Variants in HTT observed in about 807,000 individuals in gnomAD.
The protein encoded by HTT is huntington disease protein.
Under a neutral mutation model 362.3 loss-of-function variants are expected in HTT, and 104 were observed. The observed-to-expected ratio is 0.29, with a 90% CI of 0.24 to 0.34. HTT has a LOEUF of 0.34. Among genes scored for constraint, HTT ranks in the 10% least tolerant of loss-of-function variants. The pLI, the probability that HTT is intolerant of heterozygous loss-of-function variation, is 1.00. For missense variants in HTT, 3,301 were observed against 3,928.6 expected (o/e 0.84, Z 4.27); for synonymous variants, 1,577 against 1,548.7 (o/e 1.02, Z -0.43).
chr4:3,171,538 C>T (rs549552104), intron 29 of HTT, among the ~76,000 whole-genome samples: 15 of 150,624 alleles, frequency 1.0e-4, no homozygotes, highest in Non-Finnish European at 1.5e-4. Context: ...AGTGCAATGG[C>T]GCCATCTCGG....
chr4:3,205,247 A>G (rs886333284), intron 42 of HTT, among the ~76,000 whole-genome samples: 1 of 152,104 alleles, frequency 6.6e-6, no homozygotes, highest in African/African-American at 2.4e-5. Flanking sequence ...TACTTTTTCT[A>G]TATTTATATT....
intron 60 of HTT, 152 bp downstream of exon 60, chr4:3,230,194 T>C (rs1721184668): frequency 1.6e-5 from 10 of 642,154 alleles, no homozygotes; most frequent in Non-Finnish European, 1.7e-5. Flanking sequence ...GCTGCAGTGC[T>C]TCTCAGATGG....
At chr4:3,088,900 A>G (rs367939477) in intron 2 of HTT, among the ~76,000 whole-genome samples, 37 of 152,350 alleles carry the variant, frequency 2.4e-4, no homozygotes, top group African/African-American at 8.4e-4. Flanking sequence ...ATTTGTGGAA[A>G]TGTTGTGGGA....
rs750870810 is a variant in HTT at position 3,140,633 on chromosome 4, T to A, written c.2922T>A (p.His974Gln). ...TGCATGAGACGCAGCCTCCATCTCATTTCTCCGTCAGCACAATAACCAGGT... is the reference window on the plus strand; with the variant it reads ...TGCATGAGACGCAGCCTCCATCTCAATTCTCCGTCAGCACAATAACCAGGT... ...LLMHETQPPS[H>Q]FSVSTITRIY... Residue 974 changes from histidine to glutamine, a missense_variant, in exon 22 of 67, where the codon CAT becomes CAA. Physicochemically the swap from His to Gln is conservative, Grantham distance 24 (BLOSUM62 0). This residue lies in a region of HTT where 2,316 missense variants were observed against 2,658.5 expected (regional missense o/e 0.87). Coordinates refer to ENST00000355072, the MANE Select transcript of HTT (RefSeq NM_001388492.1). 1.2e-6 allele frequency: 2 copies of A among 1,614,164 alleles called. No homozygotes were observed. Among genetic ancestry groups the A allele is most frequent in the East Asian group, 4.5e-5 (2 of 44,892 alleles).
chr4:3,114,046 A>G (rs1004157165), intron 6 of HTT, among the ~76,000 whole-genome samples: 1 of 152,232 alleles, frequency 6.6e-6, no homozygotes, highest in Non-Finnish European at 1.5e-5. Flanking sequence ...CCACATATTT[A>G]TTAATAGCAA....
chr4:3,204,064 G>T lies in HTT; in HGVS notation c.5634G>T (p.Glu1878Asp), dbSNP rs747514141. The T allele has an allele frequency of 6.2e-7, 1 of 1,614,080 alleles. No individual in the cohort carries two copies. The highest frequency in any genetic ancestry group is 1.7e-5 in the Admixed American group (1 of 60,030). The stretch of plus-strand genomic sequence containing the variant: ...GTCCCCAGATGTCTGGAGAAGAGGA[G>T]GATTCTGACTTGGCAGCCAAACTTG... ...LLSPQMSGEEEDSDLAAKLGM... is the reference protein window; with the variant it reads ...LLSPQMSGEEDDSDLAAKLGM... Residue 1878 changes from glutamate to aspartate, a missense_variant, in exon 42 of 67, where the codon GAG becomes GAT. Coordinates refer to ENST00000355072, the MANE Select transcript of HTT (RefSeq NM_001388492.1).
chr4:3,087,139 G>C, intron 2 of HTT, 117 bp downstream of exon 2: 1 of 559,134 alleles, frequency 1.8e-6, no homozygotes, highest in Non-Finnish European at 3.3e-6. Context: ...ATCCATTTAA[G>C]ATGAAGAAGG....
In HTT at chr4:3,142,868, A is replaced by G. The variant is rs763513508; in HGVS notation, c.3048A>G (p.Ser1016=). ...IAAVSHELIT[S]TTRALTFGCC... ...CAGTTTCTCATGAACTAATCACATC[A>G]ACCACCAGAGCACTCACAGTAAGTC... is the stretch of plus-strand genomic sequence containing the variant. The change falls in exon 23 of 67, where the codon TCA becomes TCG. Residue 1016 remains serine, a synonymous_variant. Transcript: ENST00000355072. 54 of 1,612,674 alleles carry G rather than the reference A, an allele frequency of 3.3e-5. No homozygotes were observed. Among genetic ancestry groups the G allele is most frequent in the Non-Finnish European group, 4.2e-5 (50 of 1,178,894 alleles).
chr4:3,135,795 G>T, intron 19 of HTT, 109 bp from the exon 20 acceptor site: 1 of 700,364 alleles, frequency 1.4e-6, no homozygotes. Flanking sequence ...AGTAAGTGCT[G>T]CCCAAGGTCC....
Position 3,229,969 on chromosome 4 carries a change from A to AAC in HTT, c.8192_8193insAC (p.His2731GlnfsTer85). ...ACGCTGACAGAACTGCGAAGGGTGCACCCTTCAGAAGACGAGATCCTCGCT... is the reference window on the plus strand; with the variant it reads ...ACGCTGACAGAACTGCGAAGGGTGCAACCCCTTCAGAAGACGAGATCCTCGCT... On this transcript the variant is annotated frameshift_variant, in exon 60 of 67. Coordinates refer to ENST00000355072, the MANE Select transcript of HTT (RefSeq NM_001388492.1). LOFTEE classifies it high-confidence loss of function. The AAC allele has an allele frequency of 6.2e-7, 1 of 1,614,106 alleles. No individual in the cohort carries two copies. The highest frequency in any genetic ancestry group is 8.5e-7 in the Non-Finnish European group (1 of 1,179,954).
At chr4:3,224,156 G>C (rs751353964) in intron 56 of HTT, 25 bp downstream of exon 56, 3 of 1,613,194 alleles carry the variant, frequency 1.9e-6, no homozygotes, top group Non-Finnish European at 2.5e-6. Context: ...GGGTGCGGGG[G>C]AGCGGTTGTA....
chr4:3,160,188 TCTG>T (rs375938587), intron 28 of HTT, 91 bp from the exon 29 acceptor site: 1 of 805,254 alleles, frequency 1.2e-6, no homozygotes, highest in Non-Finnish European at 2.1e-6. Context: ...AGTGGAGGCA[TCTG>T]CTGCAGCCGT....
chr4:3,217,886 A>T lies in HTT; in HGVS notation c.7176A>T (p.Leu2392=), dbSNP rs2857790. ...SGVPAFLTPL[L]RNIIISLARL... is the part of the protein sequence containing the mutation. ...TGCCGGCGTTTCTCACGCCATTGCT[A>T]AGGAACATCATCATCAGCCTGGCCC... Residue 2392 remains leucine, a synonymous_variant, in exon 52 of 67, where the codon CTA becomes CTT. Transcript: ENST00000355072. The T allele has an allele frequency of 1.2e-6, 2 of 1,614,064 alleles. No individual in the cohort carries two copies. The highest frequency in any genetic ancestry group is 2.2e-5 in the East Asian group (1 of 44,902).
intron 8 of HTT, among the ~76,000 whole-genome samples, chr4:3,118,281 C>T (rs541857551): frequency 1.3e-5 from 2 of 152,206 alleles, no homozygotes; most frequent in South Asian, 2.1e-4. Flanking sequence ...ACTATATGCT[C>T]AATTTTTTTT....
chr4:3,229,745 A>G, intron 59 of HTT, 142 bp from the exon 60 acceptor site: 1 of 883,348 alleles, frequency 1.1e-6, no homozygotes, highest in East Asian at 2.5e-5. Context: ...CATACACCAC[A>G]CACACACGCA....
chr4:3,141,471 A>G (rs1716341164), intron 22 of HTT, among the ~76,000 whole-genome samples: 1 of 152,206 alleles, frequency 6.6e-6, no homozygotes, highest in Admixed American at 6.5e-5. Context: ...GCTTTAAAAA[A>G]CACATGGAAG....
In HTT at chr4:3,112,032, T is replaced by A. The variant is rs1205100752; in HGVS notation, c.748-3272T>A. On this transcript the variant is annotated intron_variant, in intron 6 of 66. Coordinates refer to ENST00000355072, the MANE Select transcript of HTT (RefSeq NM_001388492.1). ...AAATCAGTCAGTTATGTAGCTCTTG[T>A]TACTTTTTAGCTTCCGAAGTTTTGT... Among the ~76,000 whole-genome samples the A allele has an allele frequency of 3.9e-5, 6 of 152,238 alleles. No individual in the cohort carries two copies. In the East Asian group the frequency reaches 1.2e-3, roughly 29 times the overall value.
intron 1 of HTT, among the ~76,000 whole-genome samples, chr4:3,082,513 T>C (rs1301064710): frequency 2.6e-5 from 4 of 152,238 alleles, no homozygotes; most frequent in African/African-American, 9.6e-5. Context: ...CATAGGTCCT[T>C]GCTATCACAG....
In HTT at chr4:3,218,098, G is replaced by A; in HGVS notation, c.7242+146G>A. The A allele has an allele frequency of 1.5e-6, 1 of 672,086 alleles. No homozygotes were observed. 41.6% of individuals were successfully genotyped at this position (672,086 alleles called of 1,614,324 possible). On this transcript the variant is annotated intron_variant, in intron 52 of 66. Transcript: ENST00000355072. This position sits in a 1 kb window ranked among gnomAD's most constrained non-coding sequence, Gnocchi z 4.4. ...TTCTGGTGCCCACTGTGGTTCTGGTGCCAGGCTGCTTTCCTCAGGCACCAC... is the reference window on the plus strand; with the variant it reads ...TTCTGGTGCCCACTGTGGTTCTGGTACCAGGCTGCTTTCCTCAGGCACCAC...
Sources: gnomAD v4.1 joint callset for allele counts (sites outside exome capture counted in the v4.1 genomes callset) on GRCh38, gnomAD v4.1.1 for gene constraint, gnomAD v4.1.1 regional missense constraint, Gnocchi (gnomAD v3.1) non-coding constraint, MANE v1.5 for transcripts, NCBI Gene and HGNC (gene_info 2026-07-23, HGNC 2026-07-21) for gene names.